ABL1: variants seen among roughly 807,000 people sequenced by gnomAD.
ABL1 encodes the protein tyrosine-protein kinase ABL1.
Under a neutral mutation model 94.7 loss-of-function variants are expected in ABL1, and 11 were observed. The ratio of observed to expected loss-of-function variants is 0.12; its 90% confidence interval spans 0.07 to 0.19. The LOEUF is 0.19. ABL1 is among the 10% of genes least tolerant of loss of function. The pLI, the probability that ABL1 is intolerant of heterozygous loss-of-function variation, is 1.00. For synonymous variants in ABL1, 656 were observed against 622.4 expected (o/e 1.05, Z -0.80); for missense variants, 1,082 against 1,489.4 (o/e 0.73, Z 4.50).
intron 1 of ABL1, among the ~76,000 whole-genome samples, chr9:130,784,204 G>A (rs1829796359): frequency 6.6e-6 from 1 of 152,106 alleles, no homozygotes; most frequent in African/African-American, 2.4e-5. Context: ...ATAAAATAAA[G>A]GCACCTCTTG....
At chr9:130,750,235 A>ATATG (rs1164882700) in intron 1 of ABL1, among the ~76,000 whole-genome samples, 1 of 130,368 alleles carries the variant, frequency 7.7e-6, no homozygotes, top group Non-Finnish European at 1.6e-5. Flanking sequence ...ATATATATAT[A>ATATG]TCCAAGTATA....
chr9:130,822,954 C>T (rs1431094916), intron 1 of ABL1, among the ~76,000 whole-genome samples: 1 of 152,082 alleles, frequency 6.6e-6, no homozygotes, highest in Non-Finnish European at 1.5e-5. Flanking sequence ...TGCACCACCA[C>T]ACCCAGCTAA....
chr9:130,754,003 G>A (rs1245888087), intron 1 of ABL1, among the ~76,000 whole-genome samples: 2 of 146,360 alleles, frequency 1.4e-5, no homozygotes, highest in African/African-American at 2.5e-5. Flanking sequence ...TCAGGAGTTC[G>A]AGACCAGTCT....
At chr9:130,731,213 G>C (rs1258007882) in intron 1 of ABL1, among the ~76,000 whole-genome samples, 2 of 150,426 alleles carry the variant, frequency 1.3e-5, no homozygotes, top group East Asian at 4.0e-4. Flanking sequence ...CACCATGTTG[G>C]CCAGGCTGGT....
intron 4 of ABL1, among the ~76,000 whole-genome samples, chr9:130,871,272 G>A (rs191830767): frequency 2.2e-4 from 33 of 152,340 alleles, no homozygotes; most frequent in Admixed American, 1.4e-3. Flanking sequence ...GCTTAGTGAT[G>A]TAGGCCAAGG....
At chr9:130,780,335 A>G (rs1480444919) in intron 1 of ABL1, among the ~76,000 whole-genome samples, 1 of 152,188 alleles carries the variant, frequency 6.6e-6, no homozygotes, top group Non-Finnish European at 1.5e-5. Context: ...AAAAAAAAGC[A>G]AACACATTTT....
intron 1 of ABL1, among the ~76,000 whole-genome samples, chr9:130,785,929 A>T (rs909134511): frequency 7.9e-5 from 7 of 88,100 alleles, no homozygotes; most frequent in South Asian, 3.1e-4. Context: ...TCTCAAAACT[A>T]AAAAAAAAAA....
chr9:130,847,036 T>G (rs1229719471), intron 1 of ABL1, among the ~76,000 whole-genome samples: 1 of 152,158 alleles, frequency 6.6e-6, no homozygotes, highest in Non-Finnish European at 1.5e-5. Flanking sequence ...AGCCAGAGCT[T>G]TTTAGAGGTT....
intron 10 of ABL1, among the ~76,000 whole-genome samples, chr9:130,881,468 A>AG (rs1329621103): frequency 2.0e-5 from 3 of 152,224 alleles, no homozygotes; most frequent in Non-Finnish European, 4.4e-5. Context: ...AATGAGGAGC[A>AG]AGGTCACATC....
rs2133035799 is a variant in ABL1 at position 130,884,374 on chromosome 9, G to C, written c.2084G>C (p.Ser695Thr). ...HLWKKSSTLT[S>T]SRLATGEEEG... ...TGGAAGAAGTCCAGCACGCTGACCA[G>C]CAGCCGCCTAGCCACCGGCGAGGAG... Residue 695 changes from serine (S) to threonine (T), a missense_variant, in exon 11 of 11, where the codon AGC (serine) becomes ACC (threonine). Ser to Thr is a moderately conservative substitution (Grantham distance 58). This residue lies in a region of ABL1 where 780 missense variants were observed against 835.8 expected (regional missense o/e 0.93). Coordinates refer to ENST00000318560, the MANE Select transcript of ABL1 (RefSeq NM_005157.6). The surrounding 1 kb of genome is among the most constrained non-coding windows in gnomAD (Gnocchi z 5.6). 1 of 1,611,892 alleles carries C rather than the reference G, an allele frequency of 6.2e-7. No individual in the cohort carries two copies. The highest frequency in any genetic ancestry group is 8.5e-7 in the Non-Finnish European group (1 of 1,179,802).
chr9:130,754,763 G>T (rs1041352471), intron 1 of ABL1, among the ~76,000 whole-genome samples: 1 of 152,096 alleles, frequency 6.6e-6, no homozygotes, highest in African/African-American at 2.4e-5. Context: ...TTTGAATACC[G>T]TGCGGGGCTT....
chr9:130,861,151 C>G (rs187612300), intron 3 of ABL1, among the ~76,000 whole-genome samples: 1 of 152,286 alleles, frequency 6.6e-6, no homozygotes, highest in African/African-American at 2.4e-5. Flanking sequence ...TCCTGTCTTG[C>G]AGAGGGATAA....
At chr9:130,779,036 C>T (rs994093147) in intron 1 of ABL1, among the ~76,000 whole-genome samples, 5 of 152,100 alleles carry the variant, frequency 3.3e-5, no homozygotes, top group Admixed American at 6.5e-5. Flanking sequence ...TCCAGTTAAT[C>T]GAGAATTAGG....
chr9:130,776,985 A>G (rs1158725191), intron 1 of ABL1, among the ~76,000 whole-genome samples: 2 of 151,180 alleles, frequency 1.3e-5, no homozygotes, highest in African/African-American at 2.4e-5. Flanking sequence ...TTTTTCACTT[A>G]TTTTCTATTA....
At chr9:130,725,316 A>G (rs185104819) in intron 1 of ABL1, among the ~76,000 whole-genome samples, 2 of 152,314 alleles carry the variant, frequency 1.3e-5, no homozygotes, top group East Asian at 3.9e-4. Flanking sequence ...AGGACTTCAT[A>G]TAACTATAAT....
chr9:130,726,054 G>C (rs967741403), intron 1 of ABL1, among the ~76,000 whole-genome samples: 4 of 151,182 alleles, frequency 2.6e-5, no homozygotes, highest in African/African-American at 9.7e-5. Flanking sequence ...TCTTGCTATG[G>C]TGTCTAAGCT....
Position 130,884,412 on chromosome 9 carries a change from A to G in ABL1, c.2122A>G (p.Ser708Gly). Residue 708 changes from serine (S) to glycine (G), a missense_variant, in exon 11 of 11, where the codon AGC becomes GGC. Coordinates refer to ENST00000318560, the MANE Select transcript of ABL1 (RefSeq NM_005157.6). The surrounding 1 kb of genome is among the most constrained non-coding windows in gnomAD (Gnocchi z 5.6). ...LATGEEEGGGSSSKRFLRSCS... is the reference protein window; with the variant it reads ...LATGEEEGGGGSSKRFLRSCS... ...CACCGGCGAGGAGGAGGGCGGTGGC[A>G]GCTCCAGCAAGCGCTTCCTGCGCTC... 13 of 1,612,118 alleles carry G rather than the reference A, an allele frequency of 8.1e-6. No homozygotes were observed. Among genetic ancestry groups the G allele is most frequent in the Non-Finnish European group, 1.1e-5 (13 of 1,179,836 alleles).
intron 1 of ABL1, among the ~76,000 whole-genome samples, chr9:130,796,599 T>C (rs1337354413): frequency 6.6e-6 from 1 of 152,000 alleles, no homozygotes; most frequent in Non-Finnish European, 1.5e-5. Flanking sequence ...GTCTTAAACT[T>C]GGCCTTTAAA....
At chr9:130,779,102 T>C (rs538100004) in intron 1 of ABL1, among the ~76,000 whole-genome samples, 2 of 152,338 alleles carry the variant, frequency 1.3e-5, no homozygotes, top group East Asian at 3.9e-4. Flanking sequence ...TTTTAAAGAA[T>C]GTCGTCTTAG....
Sources: allele counts gnomAD v4.1 joint callset (sites outside exome capture counted in the v4.1 genomes callset), GRCh38; gene constraint gnomAD v4.1.1; regional missense constraint gnomAD v4.1.1; non-coding constraint Gnocchi (gnomAD v3.1); transcripts MANE v1.5; gene names NCBI Gene and HGNC (gene_info 2026-07-23, HGNC 2026-07-21).